UBXN4: variants seen among roughly 807,000 people sequenced by gnomAD.
UBXN4 encodes UBX domain protein 4, also known as UBX domain-containing protein 4.
UBXN4 carries 35 observed loss-of-function variants against 66.2 expected under a neutral mutation model. The ratio of observed to expected loss-of-function variants is 0.53; its 90% CI spans 0.40 to 0.70. The LOEUF is 0.70. Among genes scored for constraint, UBXN4 ranks in the 30% least tolerant of loss-of-function variants. UBXN4 has a pLI of 0.00. For synonymous variants in UBXN4, 203 were observed against 204.5 expected, an observed-to-expected ratio of 0.99 and a Z score of 0.06; for missense variants, 533 against 599.8, an observed-to-expected ratio of 0.89 and a Z score of 1.16.
chr2:135,761,289 T>C (rs1173655390), intron 5 of UBXN4, among the ~76,000 whole-genome samples: 2 of 152,222 alleles, frequency 1.3e-5, no homozygotes, highest in Non-Finnish European at 2.9e-5. Flanking sequence ...GGAACCACTC[T>C]GGTCAGCAGA....
Position 135,776,367 on chromosome 2 carries a change from G to C in UBXN4, c.1053+16G>C, listed in dbSNP as rs752880086. 2.5e-6 allele frequency: 4 copies of C among 1,596,120 alleles called. No homozygotes were observed. In the African/African-American group the frequency reaches 4.0e-5, roughly 16 times the overall value. On this transcript the variant is annotated intron_variant, in intron 10 of 12. Transcript: ENST00000272638. The stretch of plus-strand genomic sequence containing the variant: ...TGCTGCACAGGTAAATTTATGTCTT[G>C]AGTTGTAGTAAAAATAGATGTGTAG...
At chr2:135,742,148 C>A in intron 1 of UBXN4, 137 bp downstream of exon 1, 1 of 1,027,080 alleles carries the variant, frequency 9.7e-7, no homozygotes, top group Non-Finnish European at 1.4e-6. Flanking sequence ...ACTACTACCC[C>A]GCGCCCCAGG....
At chr2:135,778,343 G>C (rs561620743) in intron 10 of UBXN4, among the ~76,000 whole-genome samples, 1 of 152,010 alleles carries the variant, frequency 6.6e-6, no homozygotes, top group South Asian at 2.1e-4. Context: ...AATCTTCTAG[G>C]GAAAGATACA....
chr2:135,773,577 T>A (rs2077396260), intron 9 of UBXN4, among the ~76,000 whole-genome samples: 2 of 152,148 alleles, frequency 1.3e-5, no homozygotes, highest in Admixed American at 1.3e-4. Context: ...GGGGGAAATG[T>A]TATTGATAAT....
intron 5 of UBXN4, among the ~76,000 whole-genome samples, chr2:135,756,831 AT>A (rs1351933192): frequency 6.6e-6 from 1 of 152,082 alleles, no homozygotes; most frequent in Non-Finnish European, 1.5e-5. Context: ...CTGGAAGGAT[AT>A]TTTTGCTGGA....
chr2:135,757,901 G>A (rs773278563), intron 5 of UBXN4, among the ~76,000 whole-genome samples: 7 of 151,620 alleles, frequency 4.6e-5, no homozygotes, highest in Non-Finnish European at 7.4e-5. Context: ...TGGACAACAC[G>A]GCAAAACTCT....
chr2:135,764,595 C>T (rs765918491), intron 6 of UBXN4, among the ~76,000 whole-genome samples: 7 of 151,978 alleles, frequency 4.6e-5, no homozygotes, highest in East Asian at 1.9e-4. Flanking sequence ...CTCTGACTCC[C>T]GGGTTCCAGC....
At chr2:135,749,182 T>G (rs557063998) in intron 2 of UBXN4, among the ~76,000 whole-genome samples, 6 of 152,350 alleles carry the variant, frequency 3.9e-5, no homozygotes, top group Non-Finnish European at 7.3e-5. Context: ...AGCAGCCATC[T>G]AACATGTACC....
chr2:135,750,183 A>T (rs1484034901), intron 2 of UBXN4, among the ~76,000 whole-genome samples: 1 of 152,136 alleles, frequency 6.6e-6, no homozygotes, highest in Non-Finnish European at 1.5e-5. Flanking sequence ...TATGTTGCCC[A>T]GGCTGGTCTT....
intron 10 of UBXN4, among the ~76,000 whole-genome samples, chr2:135,778,232 A>G (rs1335667087): frequency 6.6e-6 from 1 of 151,628 alleles, no homozygotes; most frequent in Non-Finnish European, 1.5e-5. Context: ...CAGTACAGTT[A>G]TCAAGTTTTG....
At chr2:135,753,496 T>C in intron 2 of UBXN4, 43 bp from the exon 3 acceptor site, 1 of 1,499,638 alleles carries the variant, frequency 6.7e-7, no homozygotes, top group South Asian at 1.4e-5. Context: ...ATTTAGAAAA[T>C]ACTTGCATTC....
At chr2:135,745,875 C>CTTTTTTTTTTTTTTTTTTTTTTTTT in intron 1 of UBXN4, among the ~76,000 whole-genome samples, 1 of 74,406 alleles carries the variant, frequency 1.3e-5, no homozygotes, top group Non-Finnish European at 2.3e-5. Flanking sequence ...GTCCCGTTTA[C>CTTTTTTTTTTTTTTTTTTTTTTTTT]TTTTTTTTTT....
Position 135,784,712 on chromosome 2 carries a change from T to C in UBXN4, c.*1825T>C, listed in dbSNP as rs2077472545. 1 of 152,660 alleles carries C rather than the reference T, an allele frequency of 6.6e-6. No homozygotes were observed. Among genetic ancestry groups the C allele is most frequent in the Admixed American group, 6.5e-5 (1 of 15,284 alleles). The allele number at this position is 152,660 out of a possible 1,614,324, so 9.5% of individuals were successfully genotyped here. ...TGTCAAATAGGTGTGACCCTACTAATAATTATTAGAAATACATTTAAAAAC... is the reference window on the plus strand; with the variant it reads ...TGTCAAATAGGTGTGACCCTACTAACAATTATTAGAAATACATTTAAAAAC... On this transcript the variant is annotated 3_prime_UTR_variant, in exon 13 of 13. Transcript: ENST00000272638.
intron 6 of UBXN4, among the ~76,000 whole-genome samples, chr2:135,764,399 C>CTTGA (rs2077335227): frequency 6.6e-6 from 1 of 152,046 alleles, no homozygotes; most frequent in Admixed American, 6.6e-5. Flanking sequence ...GTCCTTCAAT[C>CTTGA]TTGAGCTGCA....
rs751537237 is a variant in UBXN4 at position 135,761,922 on chromosome 2, CTT to C, written c.602+15_602+16del. 11 of 1,603,274 alleles carry C rather than the reference CTT, an allele frequency of 6.9e-6. No homozygotes were observed. In the South Asian group the frequency reaches 1.0e-4, roughly 15 times the overall value. On this transcript the variant is annotated intron_variant, in intron 6 of 12. Transcript: ENST00000272638. ...CATCCGAGTGGAAAGGTTTGCTCTTCTTTTTGCAAATAGCATTTTGTTTAAAA... is the reference window on the plus strand; with the variant it reads ...CATCCGAGTGGAAAGGTTTGCTCTTCTTTGCAAATAGCATTTTGTTTAAAA...
At position 135,745,094 on chromosome 2, in the gene UBXN4, A is replaced by AGCCTAAACGTGTAAGTGCT. The variant is rs1482642718; in HGVS notation, c.82+3092_82+3110dup. On this transcript the variant is annotated intron_variant, in intron 1 of 12. Transcript: ENST00000272638. ...TGTTTAGATCCTCCCAGGATTCTCA[A>AGCCTAAACGTGTAAGTGCT]GCCTAAACGTGTAAGTGCTGCCTAA... Among the ~76,000 whole-genome samples the AGCCTAAACGTGTAAGTGCT allele has an allele frequency of 6.6e-5, 10 of 152,338 alleles. No homozygotes were observed. In the East Asian group the frequency reaches 1.7e-3, roughly 26 times the overall value.
intron 5 of UBXN4, 134 bp downstream of exon 5, chr2:135,755,825 A>G (rs1442855868): frequency 1.9e-6 from 1 of 520,162 alleles, no homozygotes; most frequent in East Asian, 6.5e-5. Context: ...TAAGAGTCAT[A>G]TTAAATACAC....
rs2077372043 is a variant in UBXN4, at chr2:135,769,793, G to A, written c.627G>A (p.Arg209=). The A allele has an allele frequency of 6.3e-7, 1 of 1,595,736 alleles. No homozygotes were observed. Among genetic ancestry groups the A allele is most frequent in the Non-Finnish European group, 8.5e-7 (1 of 1,173,862 alleles). Reference sequence around the variant, plus strand: ...GACTAACAAAAAAACTTGAAGAAAGGAGAGAAGAGAAAAGAAAAGAGGAAG... The same window carrying A: ...GACTAACAAAAAAACTTGAAGAAAGAAGAGAAGAGAAAAGAAAAGAGGAAG... ...VERLTKKLEE[R]REEKRKEEEQ... The change falls in exon 7 of 13, where the codon AGG becomes AGA. Residue 209 remains arginine, a synonymous_variant. Coordinates refer to ENST00000272638, the MANE Select transcript of UBXN4 (RefSeq NM_014607.4).
chr2:135,745,955 A>G (rs1358179721), intron 1 of UBXN4, among the ~76,000 whole-genome samples: 1 of 131,368 alleles, frequency 7.6e-6, no homozygotes, highest in African/African-American at 2.8e-5. Context: ...TCGGCTCACT[A>G]CAACCTCCAC....
Sources: gnomAD v4.1 joint callset for allele counts (sites outside exome capture counted in the v4.1 genomes callset) on GRCh38, gnomAD v4.1.1 for gene constraint, MANE v1.5 for transcripts, NCBI Gene and HGNC (gene_info 2026-07-23, HGNC 2026-07-21) for gene names.